Variants in COPA observed in about 807,000 individuals in gnomAD.
COPA encodes coatomer subunit alpha.
Under a neutral mutation model 158.7 loss-of-function variants are expected in COPA, and 10 were observed. The ratio of observed to expected loss-of-function variants is 0.06; its 90% CI spans 0.04 to 0.11. The LOEUF (loss-of-function observed/expected upper bound fraction) is 0.11. Ranked by LOEUF, COPA falls within the 10% of genes least tolerant of loss-of-function variation. The pLI, the probability that COPA is intolerant of heterozygous loss-of-function variation, is 1.00. For missense variants in COPA, 1,065 were observed against 1,536.7 expected, an observed-to-expected ratio of 0.69 and a Z score of 5.13; for synonymous variants, 462 against 542.8, an observed-to-expected ratio of 0.85 and a Z score of 2.07.
At chr1:160,313,573 C>A (rs1475208097) in intron 9 of COPA, among the ~76,000 whole-genome samples, 1 of 152,128 alleles carries the variant, frequency 6.6e-6, no homozygotes, top group Non-Finnish European at 1.5e-5. Flanking sequence ...CGCCACCACG[C>A]CCGGCTAATT....
chr1:160,317,381 C>T (rs1197613222), intron 8 of COPA: 29 of 1,601,068 alleles, frequency 1.8e-5, no homozygotes, highest in Non-Finnish European at 2.4e-5. Context: ...CGGAGACCCC[C>T]GGGTGAAGCC....
Position 160,299,218 on chromosome 1 carries a change from G to T in COPA, c.1714C>A (p.Arg572=). 2 of 1,614,076 alleles carry T rather than the reference G, an allele frequency of 1.2e-6. No individual in the cohort carries two copies. Among genetic ancestry groups the T allele is most frequent in the South Asian group, 2.2e-5 (2 of 91,080 alleles). ...RTLDLPIYVT[R]VKGNNVYCLD... Reference sequence around the variant, plus strand: ...CAGTATACATTGTTGCCCTTCACCCGTGTGACATAGATGGGTAAATCCAGA... The same window carrying T: ...CAGTATACATTGTTGCCCTTCACCCTTGTGACATAGATGGGTAAATCCAGA... Residue 572 remains arginine, a synonymous_variant, in exon 18 of 33, where the codon CGG becomes AGG. Coordinates refer to ENST00000241704, the MANE Select transcript of COPA (RefSeq NM_004371.4).
chr1:160,289,981 A>C lies in COPA; in HGVS notation c.*176T>G, dbSNP rs1414270574. 1.6e-6 allele frequency: 1 copy of C among 643,362 alleles called. No individual in the cohort carries two copies. Among genetic ancestry groups the C allele is most frequent in the East Asian group, 2.7e-5 (1 of 37,542 alleles). 39.9% of individuals were successfully genotyped at this position (643,362 alleles called of 1,614,324 possible). On this transcript the variant is annotated 3_prime_UTR_variant, in exon 33 of 33. Coordinates refer to ENST00000241704, the MANE Select transcript of COPA (RefSeq NM_004371.4). ...GTAGTCAAGTTGAGAAGACCTCAAA[A>C]AAGTCAAGTTTAGACCTTCGGATTT... is the stretch of plus-strand genomic sequence containing the variant.
Position 160,291,461 on chromosome 1 carries a change from A to G in COPA, c.3294T>C (p.Pro1098=). ...TACGCAGCACCAGGATCATGTGCAC[A>G]GGCTGCAGGTTTGAGTGGGTGAAAT... ...AAYFTHSNLQ[P]VHMILVLRTA... The change falls in exon 31 of 33, where the codon CCT becomes CCC. Residue 1098 remains proline (P), a synonymous_variant. Transcript: ENST00000241704. The G allele has an allele frequency of 6.2e-7, 1 of 1,614,172 alleles. No individual in the cohort carries two copies. Among genetic ancestry groups the G allele is most frequent in the Non-Finnish European group, 8.5e-7 (1 of 1,180,010 alleles).
At chr1:160,331,069 T>C (rs1647490700) in intron 6 of COPA, among the ~76,000 whole-genome samples, 1 of 149,508 alleles carries the variant, frequency 6.7e-6, no homozygotes, top group Admixed American at 6.6e-5. Context: ...TAAATAAAAG[T>C]TAAAAAAAAA....
chr1:160,309,968 C>G (rs1658911920), intron 12 of COPA, among the ~76,000 whole-genome samples: 1 of 152,138 alleles, frequency 6.6e-6, no homozygotes, highest in Admixed American at 6.5e-5. Context: ...CATTCTGATG[C>G]TCCATTAAGT....
chr1:160,295,642 A>G, intron 23 of COPA, 94 bp downstream of exon 23: 1 of 1,286,252 alleles, frequency 7.8e-7, no homozygotes, highest in Non-Finnish European at 1.0e-6. Context: ...ATGCAGAAAA[A>G]AAGGACAAGT....
chr1:160,315,290 G>A (rs771355831), intron 8 of COPA, among the ~76,000 whole-genome samples: 2 of 152,302 alleles, frequency 1.3e-5, no homozygotes, highest in South Asian at 2.1e-4. Context: ...GAAGCATCAC[G>A]ACTGCCTGAA....
At chr1:160,339,750 GCA>G in intron 3 of COPA, 157 bp downstream of exon 3, 1 of 607,784 alleles carries the variant, frequency 1.6e-6, no homozygotes, top group East Asian at 2.7e-5. Flanking sequence ...TACACAGTAA[GCA>G]TTCAATAAAT....
Position 160,292,117 on chromosome 1 carries a change from G to A in COPA, c.3042C>T (p.Tyr1014=), listed in dbSNP as rs772364949. The A allele has an allele frequency of 6.2e-7, 1 of 1,614,202 alleles. No individual in the cohort carries two copies. The highest frequency in any genetic ancestry group is 8.5e-7 in the Non-Finnish European group (1 of 1,180,042). The change falls in exon 29 of 33, where the codon TAC becomes TAT. Residue 1014 remains tyrosine, a synonymous_variant. Transcript: ENST00000241704. ...CAAATTTGCCAACTGTGGTGAGCTG[G>A]TAGCACAGCTGCAACCGTTGGATGA... is the stretch of plus-strand genomic sequence containing the variant. ...NDLIQRLQLC[Y]QLTTVGKFEE...
intron 25 of COPA, 101 bp from the exon 26 acceptor site, chr1:160,293,564 G>A: frequency 4.5e-6 from 4 of 882,092 alleles, no homozygotes; most frequent in Non-Finnish European, 6.8e-6. Flanking sequence ...GCATGATCTC[G>A]GCACACTGCA....
Position 160,333,079 on chromosome 1 carries a change from G to A in COPA, c.387-522C>T, listed in dbSNP as rs546099165. 1.9e-3 allele frequency among the ~76,000 whole-genome samples: 285 copies of A among 152,226 alleles called. 2 individuals are homozygous for A. Among genetic ancestry groups the A allele is most frequent in the African/African-American group, 6.5e-3 (270 of 41,550 alleles). On this transcript the variant is annotated intron_variant, in intron 5 of 32. Coordinates refer to ENST00000241704, the MANE Select transcript of COPA (RefSeq NM_004371.4). ...GCTGGGACTATAGGCACACGCCACC[G>A]CGTCCAGCTTATTTTTGTATTTTTA...
chr1:160,325,574 G>C lies in COPA; in HGVS notation c.575C>G (p.Thr192Ser). ...RGITGVDLFG[T>S]TDAVVKHVLE... ...TACATGCTTCACCACTGCATCTGTA[G>C]TTCCAAATAGATCAACCCCAGTTAT... The change falls in exon 7 of 33, where the codon ACT becomes AGT. Residue 192 changes from threonine (T) to serine (S), a missense_variant. By Grantham distance (58) the Thr-to-Ser change is moderately conservative. Coordinates refer to ENST00000241704, the MANE Select transcript of COPA (RefSeq NM_004371.4). 6.2e-7 allele frequency: 1 copy of C among 1,614,148 alleles called. No individual in the cohort carries two copies. The highest frequency in any genetic ancestry group is 8.5e-7 in the Non-Finnish European group (1 of 1,180,012).
At chr1:160,293,315 G>A in intron 26 of COPA, 71 bp downstream of exon 26, 1 of 1,609,092 alleles carries the variant, frequency 6.2e-7, no homozygotes, top group South Asian at 1.1e-5. Context: ...TAGAAAAGTA[G>A]CCAACACCTG....
At chr1:160,333,431 G>T in intron 5 of COPA, 172 bp downstream of exon 5, 1 of 498,836 alleles carries the variant, frequency 2.0e-6, no homozygotes, top group Non-Finnish European at 3.6e-6. Context: ...TCATATATGG[G>T]ATTGCCTCTA....
At chr1:160,338,219 A>T (rs1256910471) in intron 3 of COPA, among the ~76,000 whole-genome samples, 1 of 152,250 alleles carries the variant, frequency 6.6e-6, no homozygotes, top group Non-Finnish European at 1.5e-5. Flanking sequence ...TAACAAATAC[A>T]AAAATACTAT....
At chr1:160,300,937 G>A (rs999532207) in intron 17 of COPA, among the ~76,000 whole-genome samples, 1 of 152,130 alleles carries the variant, frequency 6.6e-6, no homozygotes, top group Non-Finnish European at 1.5e-5. Flanking sequence ...TGAACAACAC[G>A]GCAAAACCTC....
At chr1:160,342,014 A>G (rs1648089597) in intron 1 of COPA, among the ~76,000 whole-genome samples, 1 of 152,208 alleles carries the variant, frequency 6.6e-6, no homozygotes, top group Admixed American at 6.5e-5. Flanking sequence ...TTTCAAGGTC[A>G]AGTTTCCCAA....
intron 5 of COPA, 43 bp downstream of exon 5, chr1:160,333,560 G>GA (rs752123846): frequency 2.1e-6 from 3 of 1,437,188 alleles, no homozygotes; most frequent in African/African-American, 1.4e-5. Flanking sequence ...GAAAAACTAG[G>GA]AAAAATGAAG....
Sources: allele counts gnomAD v4.1 joint callset (sites outside exome capture counted in the v4.1 genomes callset), GRCh38; gene constraint gnomAD v4.1.1; transcripts MANE v1.5; gene names NCBI Gene and HGNC (gene_info 2026-07-23, HGNC 2026-07-21).